The following BRD1 variants were observed in gnomAD, a reference collection of about 807,000 sequenced individuals.
The protein encoded by BRD1 is bromodomain containing 1.
In BRD1, 24 loss-of-function variants were observed where a neutral mutation model predicts 107.7. The ratio of observed to expected loss-of-function variants is 0.22; its 90% confidence interval spans 0.16 to 0.31. BRD1 has a LOEUF of 0.31. Ranked by LOEUF, BRD1 falls within the 10% of genes least tolerant of loss-of-function variation. The probability of loss-of-function intolerance (pLI) is 1.00; values close to 1 mark genes in which losing one functional copy is unlikely to be tolerated. For missense variants in BRD1, 1,279 were observed against 1,638.6 expected, an observed-to-expected ratio of 0.78 and a Z score of 3.79; for synonymous variants, 744 against 686.1, an observed-to-expected ratio of 1.08 and a Z score of -1.32.
In BRD1 at chr22:49,773,863, ATT is replaced by A. The variant is rs917205798; in HGVS notation, c.*368_*369del. Reference sequence around the variant, plus strand: ...TGTCATTTTCTTTCTTAAAATACACATTTGTCATTGTAAATTTACATCCCGTC... The same window carrying A: ...TGTCATTTTCTTTCTTAAAATACACATGTCATTGTAAATTTACATCCCGTC... On this transcript the variant is annotated 3_prime_UTR_variant, in exon 13 of 13. Coordinates refer to ENST00000404760, the MANE Select transcript of BRD1 (RefSeq NM_001304808.3). 1.1e-4 allele frequency: 19 copies of A among 167,108 alleles called. No individual in the cohort carries two copies. Among genetic ancestry groups the A allele is most frequent in the Non-Finnish European group, 2.0e-4 (16 of 78,136 alleles). The allele number at this position is 167,108 out of a possible 1,614,324, so 10.4% of individuals were successfully genotyped here.
chr22:49,810,724 T>C (rs2059834026), intron 2 of BRD1, among the ~76,000 whole-genome samples: 1 of 152,218 alleles, frequency 6.6e-6, no homozygotes, highest in Non-Finnish European at 1.5e-5. Flanking sequence ...TCAGCCACTG[T>C]GGAACTGCAA....
chr22:49,810,102 A>G (rs1233105447), intron 2 of BRD1, among the ~76,000 whole-genome samples: 1 of 152,258 alleles, frequency 6.6e-6, no homozygotes, highest in Non-Finnish European at 1.5e-5. Context: ...ATGGATATCA[A>G]GAGTTTAAAA....
chr22:49,824,412 G>A lies in BRD1; in HGVS notation c.-14-81C>T, dbSNP rs543072311. 2.0e-5 allele frequency: 31 copies of A among 1,533,374 alleles called. No homozygotes were observed. The East Asian group carries it at 6.4e-4, about 31-fold the overall frequency. The allele number at this position is 1,533,374 out of a possible 1,614,324, so 95.0% of individuals were successfully genotyped here. ...AAAACCACAAAAGCATGCTTGGACA[G>A]ATCTAGCTCAGCAGCTCAAAGCCCA... On this transcript the variant is annotated intron_variant, in intron 1 of 12. Transcript: ENST00000404760. The surrounding 1 kb of genome is among the most constrained non-coding windows in gnomAD (Gnocchi z 5.9).
chr22:49,786,362 G>A (rs1248683049), intron 8 of BRD1, among the ~76,000 whole-genome samples: 3 of 152,064 alleles, frequency 2.0e-5, no homozygotes, highest in Admixed American at 6.5e-5. Context: ...TCTGAGGGGC[G>A]GGGAGCAGAG....
At chr22:49,810,814 G>C (rs1245458687) in intron 2 of BRD1, among the ~76,000 whole-genome samples, 2 of 152,258 alleles carry the variant, frequency 1.3e-5, no homozygotes, top group East Asian at 3.9e-4. Flanking sequence ...AATATACAGG[G>C]GTACAGCTGC....
chr22:49,813,570 T>C (rs1334517050), intron 2 of BRD1, among the ~76,000 whole-genome samples: 1 of 150,072 alleles, frequency 6.7e-6, no homozygotes, highest in African/African-American at 2.4e-5. Flanking sequence ...TAATGGCTCA[T>C]GCCTATAATC....
chr22:49,805,020 G>A (rs530740912), intron 2 of BRD1, among the ~76,000 whole-genome samples: 2 of 152,248 alleles, frequency 1.3e-5, no homozygotes, highest in East Asian at 3.9e-4. Flanking sequence ...TGTGTCAGCG[G>A]GCCCAAAACC....
intron 2 of BRD1, chr22:49,817,186 G>T (rs77143170): frequency 0.014 from 2,139 of 152,968 alleles, 49 homozygotes; most frequent in African/African-American, 0.049. Context: ...TGGCTCAGAA[G>T]GGGTGCAGAG....
rs199638840 is a variant in BRD1, at chr22:49,776,897, C to A, written c.3121+137G>T. On this transcript the variant is annotated intron_variant, in intron 10 of 12. Coordinates refer to ENST00000404760, the MANE Select transcript of BRD1 (RefSeq NM_001304808.3). ...GCCCCTCGGTGTGTGATGAACCCTT[C>A]CCCGGGAGGTTGGCCAGGGTGGGGC... is the stretch of plus-strand genomic sequence containing the variant. 17 of 1,284,854 alleles carry A rather than the reference C, an allele frequency of 1.3e-5. No homozygotes were observed. In the East Asian group the frequency reaches 3.8e-4, roughly 29 times the overall value. 79.6% of individuals were successfully genotyped at this position (1,284,854 alleles called of 1,614,324 possible).
At chr22:49,788,498 G>GA (rs200770706) in intron 7 of BRD1, among the ~76,000 whole-genome samples, 13 of 151,424 alleles carry the variant, frequency 8.6e-5, no homozygotes, top group South Asian at 4.2e-4. Context: ...GAGCTTTCAG[G>GA]AAAAAAAAAT....
In BRD1 at chr22:49,792,638, A is replaced by C. The variant is rs1348084540; in HGVS notation, c.2359+1396T>G. Among the ~76,000 whole-genome samples, 1 of 152,254 alleles carries C rather than the reference A, an allele frequency of 6.6e-6. No individual in the cohort carries two copies. The highest frequency in any genetic ancestry group is 1.9e-4 in the East Asian group (1 of 5,202). Reference sequence around the variant, plus strand: ...CTATGGACCTAACGTAATTGACGCCAGCCCCAAAAGAGACATTCTAGAGTC... The same window carrying C: ...CTATGGACCTAACGTAATTGACGCCCGCCCCAAAAGAGACATTCTAGAGTC... On this transcript the variant is annotated intron_variant, in intron 7 of 12. Coordinates refer to ENST00000404760, the MANE Select transcript of BRD1 (RefSeq NM_001304808.3). This position sits in a 1 kb window ranked among gnomAD's most constrained non-coding sequence, Gnocchi z 4.2.
rs763922269 is a variant in BRD1 at position 49,777,743 on chromosome 22, T to C, written c.2928A>G (p.Thr976=). 3 of 1,606,370 alleles carry C rather than the reference T, an allele frequency of 1.9e-6. No individual in the cohort carries two copies. The highest frequency in any genetic ancestry group is 1.1e-5 in the South Asian group (1 of 89,876). Residue 976 remains threonine, a synonymous_variant, in exon 9 of 13, where the codon ACA becomes ACG. Coordinates refer to ENST00000404760, the MANE Select transcript of BRD1 (RefSeq NM_001304808.3). The stretch of plus-strand genomic sequence containing the variant: ...ACTCGGAGGCACAGCGTCGTCGGGG[T>C]GTGGCCTTCCTCCCCAGGCCGCCGC... ...EPGGGLGRKA[T]PRRRCASESS...
intron 6 of BRD1, among the ~76,000 whole-genome samples, chr22:49,794,701 G>C (rs2147112270): frequency 6.6e-6 from 1 of 152,340 alleles, no homozygotes; most frequent in South Asian, 2.1e-4. Context: ...ACCTGCGCTG[G>C]CTCTGCAAAC....
chr22:49,807,780 G>A (rs2059772790), intron 2 of BRD1, among the ~76,000 whole-genome samples: 2 of 152,172 alleles, frequency 1.3e-5, no homozygotes, highest in African/African-American at 4.8e-5. Flanking sequence ...GTTAAAATGT[G>A]TGCATTAAAA....
chr22:49,793,491 G>A (rs949113372), intron 7 of BRD1, among the ~76,000 whole-genome samples: 16 of 152,194 alleles, frequency 1.1e-4, no homozygotes, highest in Admixed American at 6.5e-5. Flanking sequence ...CTCTGCAGAG[G>A]AGCTGGCCGG....
Position 49,794,095 on chromosome 22 carries a change from C to T in BRD1, c.2298G>A (p.Gly766=). ...CCTCTTCGAAGCCTTCCAAGCCTGGCCCCGTGGGCAGGGGCTGGCTGTGCT... is the reference window on the plus strand; with the variant it reads ...CCTCTTCGAAGCCTTCCAAGCCTGGTCCCGTGGGCAGGGGCTGGCTGTGCT... The part of the protein sequence containing the change: ...SQQHSQPLPT[G]PGLEGFEEDG... The change falls in exon 7 of 13, where the codon GGG becomes GGA. Residue 766 remains glycine (G), a synonymous_variant. Coordinates refer to ENST00000404760, the MANE Select transcript of BRD1 (RefSeq NM_001304808.3). 2 of 1,614,202 alleles carry T rather than the reference C, an allele frequency of 1.2e-6. No homozygotes were observed. Among genetic ancestry groups the T allele is most frequent in the South Asian group, 2.2e-5 (2 of 91,088 alleles).
intron 6 of BRD1, among the ~76,000 whole-genome samples, chr22:49,795,142 A>G (rs2147115738): frequency 6.6e-6 from 1 of 152,384 alleles, no homozygotes; most frequent in East Asian, 1.9e-4. Context: ...CAAGACTCGT[A>G]TCCATAACAT....
chr22:49,783,059 G>A lies in BRD1; in HGVS notation c.2857+4331C>T, dbSNP rs2059244665. ...CCCATCGTGCTGGGACTCGCTCCGT[G>A]ACAATGCAGCTGGGATGGTCAGAGA... On this transcript the variant is annotated intron_variant, in intron 8 of 12. Coordinates refer to ENST00000404760, the MANE Select transcript of BRD1 (RefSeq NM_001304808.3). The surrounding 1 kb of genome is among the most constrained non-coding windows in gnomAD (Gnocchi z 4.2). Among the ~76,000 whole-genome samples the A allele has an allele frequency of 6.6e-6, 1 of 151,838 alleles. No individual in the cohort carries two copies. Among genetic ancestry groups the A allele is most frequent in the Non-Finnish European group, 1.5e-5 (1 of 67,968 alleles).
chr22:49,775,964 C>G (rs2059088585), intron 11 of BRD1, 86 bp downstream of exon 11: 1 of 1,124,272 alleles, frequency 8.9e-7, no homozygotes, highest in Non-Finnish European at 1.2e-6. Context: ...CCTTGGACCA[C>G]CGCCGTGAGC....
Sources: allele counts gnomAD v4.1 joint callset (sites outside exome capture counted in the v4.1 genomes callset), GRCh38; gene constraint gnomAD v4.1.1; non-coding constraint Gnocchi (gnomAD v3.1); transcripts MANE v1.5; gene names NCBI Gene and HGNC (gene_info 2026-07-23, HGNC 2026-07-21).